Variants in PBX1 observed in about 807,000 individuals in gnomAD.
PBX1 encodes PBX homeobox 1.
PBX1 carries 6 observed loss-of-function variants against 53.4 expected under a neutral mutation model. The observed-to-expected ratio is 0.11, with a 90% CI of 0.06 to 0.22. The LOEUF is 0.22. PBX1 is among the 10% of genes least tolerant of loss of function. The probability of loss-of-function intolerance (pLI) is 1.00; values close to 1 mark genes in which losing one functional copy is unlikely to be tolerated. For missense variants in PBX1, 251 were observed against 551.4 expected (o/e 0.46, Z 5.46); for synonymous variants, 204 against 212.3 (o/e 0.96, Z 0.34).
intron 2 of PBX1, among the ~76,000 whole-genome samples, chr1:164,870,356 T>TCTTC (rs1258816118): frequency 0.012 from 995 of 80,208 alleles, 202 homozygotes; most frequent in East Asian, 0.046. Flanking sequence ...TTTCTTTCTT[T>TCTTC]CTTTCGAGAT....
chr1:164,644,733 C>T (rs1659351542), intron 2 of PBX1, among the ~76,000 whole-genome samples: 1 of 152,106 alleles, frequency 6.6e-6, no homozygotes, highest in Non-Finnish European at 1.5e-5. Context: ...TTTATTAAAT[C>T]AGTTCTGAAC....
intron 2 of PBX1, among the ~76,000 whole-genome samples, chr1:164,566,080 T>C (rs1473321791): frequency 6.6e-6 from 1 of 152,166 alleles, no homozygotes; most frequent in East Asian, 1.9e-4. Flanking sequence ...GTTAATGATT[T>C]TATAGTTGGA....
chr1:164,594,857 C>T (rs998475713), intron 2 of PBX1, among the ~76,000 whole-genome samples: 26 of 152,068 alleles, frequency 1.7e-4, no homozygotes, highest in Non-Finnish European at 3.2e-4. Context: ...CTAGACAGCA[C>T]AGATCTACTC....
At chr1:164,865,606 A>G (rs1339372246) in intron 2 of PBX1, among the ~76,000 whole-genome samples, 1 of 152,206 alleles carries the variant, frequency 6.6e-6, no homozygotes, top group East Asian at 1.9e-4. Flanking sequence ...TATTCATTAC[A>G]AACGAAGAAA....
intron 2 of PBX1, among the ~76,000 whole-genome samples, chr1:164,701,545 A>G (rs1404394154): frequency 2.0e-5 from 3 of 152,198 alleles, no homozygotes; most frequent in Non-Finnish European, 2.9e-5. Context: ...GTATTTCACA[A>G]ACACTGTCAA....
chr1:164,568,979 TGA>T (rs1414623019), intron 2 of PBX1, among the ~76,000 whole-genome samples: 1 of 152,236 alleles, frequency 6.6e-6, no homozygotes, highest in Non-Finnish European at 1.5e-5. Flanking sequence ...TGGTGGAAAT[TGA>T]GATTGCAATG....
At chr1:164,744,070 A>G (rs1665765844) in intron 2 of PBX1, among the ~76,000 whole-genome samples, 2 of 152,142 alleles carry the variant, frequency 1.3e-5, no homozygotes. Context: ...CTTCACTTCC[A>G]CATTTGTCCC....
intron 2 of PBX1, among the ~76,000 whole-genome samples, chr1:164,688,265 A>G (rs1460040254): frequency 6.6e-6 from 1 of 152,220 alleles, no homozygotes; most frequent in Non-Finnish European, 1.5e-5. Flanking sequence ...CACGTTATTA[A>G]AAAACATTCC....
intron 8 of PBX1, chr1:164,829,473 A>G (rs1260021867): frequency 6.6e-6 from 1 of 152,220 alleles, no homozygotes; most frequent in Non-Finnish European, 1.5e-5. Flanking sequence ...AAACATAGCT[A>G]TTGAGCACTT....
chr1:164,667,997 G>C (rs1371937430), intron 2 of PBX1, among the ~76,000 whole-genome samples: 1 of 152,146 alleles, frequency 6.6e-6, no homozygotes, highest in East Asian at 1.9e-4. Flanking sequence ...CTCCAGAGTG[G>C]GTGGAGTGCT....
chr1:164,687,117 A>G lies in PBX1; in HGVS notation c.266-105377A>G, dbSNP rs191548486. 6.1e-3 allele frequency among the ~76,000 whole-genome samples: 924 copies of G among 152,326 alleles called. 7 individuals carry two copies. The highest frequency in any genetic ancestry group is 0.044 in the Middle Eastern group (13 of 294). Reference sequence around the variant, plus strand: ...GGGTGGACAACAGCCATAGTTCTGGAGCATGGTCCTCAAGACTACCTTTTG... The same window carrying G: ...GGGTGGACAACAGCCATAGTTCTGGGGCATGGTCCTCAAGACTACCTTTTG... On this transcript the variant is annotated intron_variant, in intron 2 of 8. Transcript: ENST00000420696.
At chr1:164,582,630 T>C (rs1246636385) in intron 2 of PBX1, among the ~76,000 whole-genome samples, 3 of 151,962 alleles carry the variant, frequency 2.0e-5, no homozygotes, top group African/African-American at 7.3e-5. Flanking sequence ...ATCATATTGG[T>C]CAGGTTGGTC....
At chr1:164,835,185 A>T (rs1187357175) in intron 8 of PBX1, among the ~76,000 whole-genome samples, 1 of 151,968 alleles carries the variant, frequency 6.6e-6, no homozygotes, top group East Asian at 1.9e-4. Context: ...GGGAAAGTCC[A>T]CAATGTGTTT....
Position 164,772,160 on chromosome 1 carries a change from C to T in PBX1, c.266-20334C>T, listed in dbSNP as rs140006636. 1.8e-4 allele frequency among the ~76,000 whole-genome samples: 27 copies of T among 152,348 alleles called. 3 individuals carry two copies. In the East Asian group the frequency reaches 4.8e-3, roughly 27 times the overall value. ...AAATGCAAAAGAAAGATTCCTGTAGCAACAACACCTTGTAATTATGAAATA... is the reference window on the plus strand; with the variant it reads ...AAATGCAAAAGAAAGATTCCTGTAGTAACAACACCTTGTAATTATGAAATA... On this transcript the variant is annotated intron_variant, in intron 2 of 8. Coordinates refer to ENST00000420696, the MANE Select transcript of PBX1 (RefSeq NM_002585.4).
chr1:164,792,072 C>A (rs960998727), intron 2 of PBX1, among the ~76,000 whole-genome samples: 1 of 152,086 alleles, frequency 6.6e-6, no homozygotes. Context: ...ATCAACCCCC[C>A]ACTCAGCCTC....
intron 2 of PBX1, among the ~76,000 whole-genome samples, chr1:164,690,977 G>C (rs183319099): frequency 6.7e-6 from 1 of 149,602 alleles, no homozygotes; most frequent in Non-Finnish European, 1.5e-5. Flanking sequence ...GGCAACTCAA[G>C]GATGCATTGT....
chr1:164,569,019 G>C (rs1653641287), intron 2 of PBX1, among the ~76,000 whole-genome samples: 2 of 152,274 alleles, frequency 1.3e-5, no homozygotes, highest in Admixed American at 1.3e-4. Flanking sequence ...TTTTGGTTTA[G>C]GTTGTAGTTT....
chr1:164,817,766 G>A (rs1669948355), intron 6 of PBX1: 1 of 152,176 alleles, frequency 6.6e-6, no homozygotes, highest in Non-Finnish European at 1.5e-5. Context: ...CCACGTCATT[G>A]GACATCATGT....
At chr1:164,777,949 T>C (rs1667749890) in intron 2 of PBX1, among the ~76,000 whole-genome samples, 1 of 152,246 alleles carries the variant, frequency 6.6e-6, no homozygotes, top group African/African-American at 2.4e-5. Context: ...GTATACATTA[T>C]ATATACCTTT....
Sources: allele counts gnomAD v4.1 joint callset (sites outside exome capture counted in the v4.1 genomes callset), GRCh38; gene constraint gnomAD v4.1.1; transcripts MANE v1.5; gene names NCBI Gene and HGNC (gene_info 2026-07-23, HGNC 2026-07-21).